P2RY12: variants seen among roughly 807,000 people sequenced by gnomAD.
P2RY12 encodes the protein P2Y purinoceptor 12.
A neutral mutation model predicts 4.5 loss-of-function variants in P2RY12; 3 were observed. The observed-to-expected ratio is 0.67, with a 90% CI of 0.31 to 1.74. The LOEUF (loss-of-function observed/expected upper bound fraction) is 1.74. Among genes scored for constraint, P2RY12 ranks in the 40% most tolerant of loss-of-function variants. The pLI is 0.09. For missense variants in P2RY12, 356 were observed against 407.8 expected (o/e 0.87, Z 1.09); for synonymous variants, 148 against 154.1 (o/e 0.96, Z 0.29).
intron 1 of P2RY12, among the ~76,000 whole-genome samples, chr3:151,351,819 C>A (rs1329765290): frequency 2.6e-5 from 4 of 152,126 alleles, no homozygotes. Flanking sequence ...AATGTGGTAT[C>A]CTTTTCTGTT....
At chr3:151,379,815 G>T (rs1711917728) in intron 1 of P2RY12, among the ~76,000 whole-genome samples, 1 of 152,132 alleles carries the variant, frequency 6.6e-6, no homozygotes, top group African/African-American at 2.4e-5. Flanking sequence ...TCTGCATATT[G>T]ATGTAGAAGA....
At chr3:151,371,030 A>G (rs543530580) in intron 1 of P2RY12, among the ~76,000 whole-genome samples, 7 of 152,342 alleles carry the variant, frequency 4.6e-5, no homozygotes, top group South Asian at 4.1e-4. Flanking sequence ...TCTATTGTCA[A>G]TGCAATTGCA....
At chr3:151,344,608 A>G (rs1017647731) in intron 1 of P2RY12, among the ~76,000 whole-genome samples, 1 of 152,118 alleles carries the variant, frequency 6.6e-6, no homozygotes, top group Admixed American at 6.6e-5. Flanking sequence ...TTACTTCCGG[A>G]TATATACTGG....
At chr3:151,380,777 C>G (rs1712172867) in intron 1 of P2RY12, among the ~76,000 whole-genome samples, 1 of 152,138 alleles carries the variant, frequency 6.6e-6, no homozygotes, top group Admixed American at 6.5e-5. Flanking sequence ...TTATATATTG[C>G]ATATAACTTT....
At chr3:151,370,566 C>T (rs1160396777) in intron 1 of P2RY12, among the ~76,000 whole-genome samples, 1 of 152,176 alleles carries the variant, frequency 6.6e-6, no homozygotes, top group Non-Finnish European at 1.5e-5. Context: ...ACCACAGCCT[C>T]CTCTGAGTGT....
At chr3:151,366,029 A>G (rs1316152043) in intron 1 of P2RY12, 33 of 1,483,150 alleles carry the variant, frequency 2.2e-5, no homozygotes, top group Non-Finnish European at 2.7e-5. Flanking sequence ...GAACTGTGCA[A>G]TTAAATATTT....
chr3:151,360,262 T>C (rs573355166), intron 1 of P2RY12, among the ~76,000 whole-genome samples: 1 of 152,292 alleles, frequency 6.6e-6, no homozygotes, highest in African/African-American at 2.4e-5. Context: ...TTGTCATCAG[T>C]GACATTTCTG....
At chr3:151,383,967 C>T in intron 1 of P2RY12, 3 of 1,478,928 alleles carry the variant, frequency 2.0e-6, no homozygotes, top group East Asian at 2.3e-5. Context: ...GCGATTTCTG[C>T]CACATCTTAT....
intron 1 of P2RY12, among the ~76,000 whole-genome samples, chr3:151,345,807 A>G (rs1436518426): frequency 1.3e-5 from 2 of 152,068 alleles, no homozygotes; most frequent in African/African-American, 2.4e-5. Flanking sequence ...GTGAGCCACC[A>G]TGCCCAGCCT....
intron 1 of P2RY12, among the ~76,000 whole-genome samples, chr3:151,349,625 A>C (rs1373146555): frequency 6.6e-6 from 1 of 152,150 alleles, no homozygotes; most frequent in Admixed American, 6.5e-5. Context: ...TCCTAGCAAG[A>C]TATTTTTCCC....
At chr3:151,368,727 TTCATTTCATTTCATTTCATTTCATG>T (rs1755770724) in intron 1 of P2RY12, among the ~76,000 whole-genome samples, 1 of 89,710 alleles carries the variant, frequency 1.1e-5, no homozygotes, top group African/African-American at 4.5e-5. Context: ...TTCATTTCAT[TTCATTTCATTTCATTTCATTTCATG>T]TCATTTCATT....
intron 1 of P2RY12, chr3:151,382,702 C>T (rs200563860): frequency 2.0e-5 from 32 of 1,611,716 alleles, no homozygotes; most frequent in Non-Finnish European, 2.5e-5. Flanking sequence ...GACATAAAAG[C>T]GCGGCAGATG....
intron 1 of P2RY12, chr3:151,357,117 T>C: frequency 1.0e-6 from 1 of 997,712 alleles, no homozygotes; most frequent in East Asian, 2.7e-5. Flanking sequence ...GTATTTGTAG[T>C]GTAATGACTC....
chr3:151,368,139 C>G, intron 1 of P2RY12: 1 of 1,611,940 alleles, frequency 6.2e-7, no homozygotes, highest in Non-Finnish European at 8.5e-7. Context: ...TTTCCAATCC[C>G]CCTTTCCTAG....
chr3:151,350,204 G>T (rs1753049268), intron 1 of P2RY12: 1 of 1,612,702 alleles, frequency 6.2e-7, no homozygotes, highest in African/African-American at 1.3e-5. Context: ...ACAGAGACAG[G>T]GGGTAAAGAA....
At chr3:151,361,173 A>T (rs999640409) in intron 1 of P2RY12, among the ~76,000 whole-genome samples, 1 of 152,212 alleles carries the variant, frequency 6.6e-6, no homozygotes, top group African/African-American at 2.4e-5. Flanking sequence ...CTGGTGACTC[A>T]TAGAAGGTTC....
chr3:151,378,256 T>A, intron 1 of P2RY12: 4 of 1,333,784 alleles, frequency 3.0e-6, no homozygotes, highest in Non-Finnish European at 4.0e-6. Context: ...GTGTGGTCAC[T>A]GTACCCACAG....
chr3:151,377,974 G>C, intron 1 of P2RY12: 1 of 1,533,514 alleles, frequency 6.5e-7, no homozygotes, highest in Non-Finnish European at 8.8e-7. Context: ...CAGGGGAAAG[G>C]ATGCTTTCTC....
chr3:151,382,334 G>A (rs1365050411), intron 1 of P2RY12, among the ~76,000 whole-genome samples: 10 of 152,036 alleles, frequency 6.6e-5, no homozygotes, highest in East Asian at 5.8e-4. Flanking sequence ...GTTTTTCTTC[G>A]TAAGATCAAT....
Sources: gnomAD v4.1 joint callset for allele counts (sites outside exome capture counted in the v4.1 genomes callset) on GRCh38, gnomAD v4.1.1 for gene constraint, MANE v1.5 for transcripts, NCBI Gene and HGNC (gene_info 2026-07-23, HGNC 2026-07-21) for gene names.